The following WWOX variants were observed in gnomAD, a reference collection of about 807,000 sequenced individuals.
The protein encoded by WWOX is WW domain containing oxidoreductase.
WWOX carries 69 observed loss-of-function variants against 46.2 expected under a neutral mutation model. That is an observed-to-expected ratio of 1.49 (90% CI 1.23 to 1.82). The LOEUF (loss-of-function observed/expected upper bound fraction) is 1.82, where lower values mean the gene tolerates loss of function less well. WWOX is among the 40% of genes most tolerant of loss of function. The pLI is 0.00. For missense variants in WWOX, 919 were observed against 542.6 expected (o/e 1.69, Z -6.89); for synonymous variants, 359 against 202.6 (o/e 1.77, Z -6.56).
intron 8 of WWOX, among the ~76,000 whole-genome samples, chr16:79,158,221 C>A (rs10153125): frequency 0.18 from 26,626 of 151,848 alleles, 3,002 homozygotes; most frequent in African/African-American, 0.31. Flanking sequence ...CCGGGAAGAA[C>A]TATTAAGGAG....
chr16:78,903,112 C>T (rs544636651), intron 8 of WWOX, among the ~76,000 whole-genome samples: 24 of 152,302 alleles, frequency 1.6e-4, no homozygotes, highest in African/African-American at 2.2e-4. Context: ...AGAGTGGGAA[C>T]GGCCCAAGCA....
At chr16:78,223,146 A>T (rs960918583) in intron 5 of WWOX, among the ~76,000 whole-genome samples, 4 of 152,112 alleles carry the variant, frequency 2.6e-5, no homozygotes, top group Admixed American at 2.0e-4. Flanking sequence ...AAATAAATAT[A>T]TTGCCTTTCT....
At chr16:78,963,081 A>G (rs1297454804) in intron 8 of WWOX, among the ~76,000 whole-genome samples, 1 of 152,150 alleles carries the variant, frequency 6.6e-6, no homozygotes. Context: ...GATATGCACC[A>G]CCTAGATTCT....
chr16:78,265,992 C>G (rs932991148), intron 5 of WWOX: 1 of 150,754 alleles, frequency 6.6e-6, no homozygotes, highest in Non-Finnish European at 1.5e-5. Context: ...AAGAACTTGC[C>G]CAGGGTTGCA....
chr16:78,631,135 A>C lies in WWOX; in HGVS notation c.1056+198383A>C, dbSNP rs2046418988. Among the ~76,000 whole-genome samples, 3 of 152,202 alleles carry C rather than the reference A, an allele frequency of 2.0e-5. No individual in the cohort carries two copies. The South Asian group carries it at 6.2e-4, about 32-fold the overall frequency. On this transcript the variant is annotated intron_variant, in intron 8 of 8. Coordinates refer to ENST00000566780, the MANE Select transcript of WWOX (RefSeq NM_016373.4). ...AATACTATACAATTTTATGTTAGGG[A>C]CTTGAGCATTTGTGGATTTTGGTAT... is the stretch of plus-strand genomic sequence containing the variant.
At chr16:78,914,641 A>G (rs1014460093) in intron 8 of WWOX, among the ~76,000 whole-genome samples, 3 of 151,904 alleles carry the variant, frequency 2.0e-5, no homozygotes, top group Non-Finnish European at 4.4e-5. Flanking sequence ...GCACTTTGGG[A>G]GGCGGAGGCG....
At chr16:78,900,351 A>G (rs189922680) in intron 8 of WWOX, among the ~76,000 whole-genome samples, 2 of 152,272 alleles carry the variant, frequency 1.3e-5, no homozygotes, top group East Asian at 3.9e-4. Flanking sequence ...CTGTCACTCA[A>G]GTATGCACGC....
chr16:79,047,254 T>C (rs1048409955), intron 8 of WWOX, among the ~76,000 whole-genome samples: 10 of 152,156 alleles, frequency 6.6e-5, no homozygotes, highest in African/African-American at 1.9e-4. Flanking sequence ...TCACCATGTA[T>C]TTAAAGGCCA....
At chr16:78,912,903 C>T (rs1399610560) in intron 8 of WWOX, among the ~76,000 whole-genome samples, 2 of 151,958 alleles carry the variant, frequency 1.3e-5, no homozygotes, top group South Asian at 2.1e-4. Context: ...AAACACTATC[C>T]ATTAGCAAGA....
intron 8 of WWOX, chr16:78,996,376 A>ACCG (rs2046988702): frequency 4.2e-6 from 2 of 472,350 alleles, no homozygotes; most frequent in African/African-American, 5.0e-5. Context: ...TTCTGCACCC[A>ACCG]CCCCCGCCCC....
intron 5 of WWOX, among the ~76,000 whole-genome samples, chr16:78,356,339 T>C (rs1308984566): frequency 6.6e-6 from 1 of 151,986 alleles, no homozygotes; most frequent in Non-Finnish European, 1.5e-5. Flanking sequence ...ACTCAACTTG[T>C]TTAAAATAAG....
At chr16:78,800,678 C>T (rs1487037451) in intron 8 of WWOX, among the ~76,000 whole-genome samples, 1 of 152,174 alleles carries the variant, frequency 6.6e-6, no homozygotes, top group Non-Finnish European at 1.5e-5. Flanking sequence ...CAACTGAAAA[C>T]ATTTTAGGGG....
rs192081284 is a variant in WWOX at position 78,326,058 on chromosome 16, G to C, written c.517-60802G>C. ...GCATTGTACCCTTAAGCAGAAGGGGGAGGTAGGAGTGAATCTCTGTCTGCC... is the reference window on the plus strand; with the variant it reads ...GCATTGTACCCTTAAGCAGAAGGGGCAGGTAGGAGTGAATCTCTGTCTGCC... On this transcript the variant is annotated intron_variant, in intron 5 of 8. Coordinates refer to ENST00000566780, the MANE Select transcript of WWOX (RefSeq NM_016373.4). 3.0e-3 allele frequency among the ~76,000 whole-genome samples: 460 copies of C among 152,254 alleles called. 3 individuals carry two copies. Among genetic ancestry groups the C allele is most frequent in the Middle Eastern group, 6.8e-3 (2 of 294 alleles).
intron 8 of WWOX, among the ~76,000 whole-genome samples, chr16:78,997,127 G>A (rs1016907145): frequency 2.6e-5 from 4 of 151,918 alleles, no homozygotes; most frequent in Non-Finnish European, 5.9e-5. Context: ...ACATATGTTC[G>A]AGTGGTTCGT....
chr16:78,212,446 GAGGA>G (rs1022035220), intron 5 of WWOX, among the ~76,000 whole-genome samples: 1 of 152,210 alleles, frequency 6.6e-6, no homozygotes. Context: ...GGGGGAAATG[GAGGA>G]ACAACCCCTT....
intron 8 of WWOX, among the ~76,000 whole-genome samples, chr16:79,018,007 GC>G (rs1457485823): frequency 6.6e-6 from 1 of 152,218 alleles, no homozygotes; most frequent in Non-Finnish European, 1.5e-5. Flanking sequence ...ATGTACTGGG[GC>G]TAAAGATTTG....
chr16:78,619,571 G>A (rs1277282024), intron 8 of WWOX, among the ~76,000 whole-genome samples: 3 of 151,660 alleles, frequency 2.0e-5, no homozygotes, highest in African/African-American at 7.3e-5. Flanking sequence ...TATACAATTT[G>A]TTAAATACAG....
At chr16:78,884,670 A>T (rs1220948344) in intron 8 of WWOX, among the ~76,000 whole-genome samples, 6 of 152,222 alleles carry the variant, frequency 3.9e-5, no homozygotes, top group Admixed American at 3.9e-4. Context: ...GTCAGGGTAG[A>T]GGATGGATGG....
chr16:78,975,965 T>C (rs555278056), intron 8 of WWOX, among the ~76,000 whole-genome samples: 1 of 152,320 alleles, frequency 6.6e-6, no homozygotes, highest in African/African-American at 2.4e-5. Flanking sequence ...TCCTGCCTTT[T>C]AGTTGCCGGT....
Sources: allele counts gnomAD v4.1 joint callset (sites outside exome capture counted in the v4.1 genomes callset), GRCh38; gene constraint gnomAD v4.1.1; transcripts MANE v1.5; gene names NCBI Gene and HGNC (gene_info 2026-07-23, HGNC 2026-07-21).